CDH18: variants seen among roughly 807,000 people sequenced by gnomAD.
CDH18 encodes cadherin 18.
Under a neutral mutation model 67.9 loss-of-function variants are expected in CDH18, and 31 were observed. The ratio of observed to expected loss-of-function variants is 0.46; its 90% CI spans 0.34 to 0.62. The LOEUF is 0.62. Ranked by LOEUF, CDH18 falls within the 20% of genes least tolerant of loss-of-function variation. The pLI, the probability that CDH18 is intolerant of heterozygous loss-of-function variation, is 0.01. For missense variants in CDH18, 890 were observed against 975.5 expected, an observed-to-expected ratio of 0.91 and a Z score of 1.17; for synonymous variants, 362 against 347.2, an observed-to-expected ratio of 1.04 and a Z score of -0.48.
At chr5:20,443,727 T>C (rs6876306) in intron 1 of CDH18, among the ~76,000 whole-genome samples, 37,297 of 151,760 alleles carry the variant, frequency 0.25, 5,000 homozygotes, top group East Asian at 0.3. Context: ...ACAATACTTG[T>C]CTTCCTCAGA....
chr5:20,311,809 T>C (rs1737021824), intron 1 of CDH18, among the ~76,000 whole-genome samples: 1 of 152,156 alleles, frequency 6.6e-6, no homozygotes, highest in Non-Finnish European at 1.5e-5. Flanking sequence ...AAAAAATTAT[T>C]GTATGATACT....
In CDH18 at chr5:20,427,194, A is replaced by C. The variant is rs879523970; in HGVS notation, c.-580+148268T>G. Among the ~76,000 whole-genome samples, 2 of 151,204 alleles carry C rather than the reference A, an allele frequency of 1.3e-5. 1 individual carries two copies. The highest frequency in any genetic ancestry group is 1.3e-4 in the Admixed American group (2 of 15,240). ...AGGAAAAGAAGTTAAAAGTCATTAC[A>C]AATGGTTTTGTATGATAACTAAATA... On this transcript the variant is annotated intron_variant, in intron 1 of 14. Transcript: ENST00000507958.
intron 2 of CDH18, among the ~76,000 whole-genome samples, chr5:20,033,243 G>T (rs78248498): frequency 0.025 from 3,847 of 151,212 alleles, 71 homozygotes; most frequent in Middle Eastern, 0.062. Context: ...AAATGCTGAC[G>T]TTAAGCTAAG....
intron 11 of CDH18, among the ~76,000 whole-genome samples, chr5:19,493,710 T>C (rs1579787269): frequency 6.6e-6 from 1 of 152,308 alleles, no homozygotes; most frequent in East Asian, 1.9e-4. Context: ...TGTGATTATA[T>C]TCAACACTTC....
chr5:19,739,832 C>A (rs1423655580), intron 4 of CDH18, among the ~76,000 whole-genome samples: 3 of 152,032 alleles, frequency 2.0e-5, no homozygotes, highest in Non-Finnish European at 4.4e-5. Flanking sequence ...TGGCAGATGT[C>A]CAGGGTGAAC....
At chr5:19,842,990 T>C (rs575042047) in intron 2 of CDH18, among the ~76,000 whole-genome samples, 13 of 152,140 alleles carry the variant, frequency 8.5e-5, no homozygotes, top group Non-Finnish European at 1.8e-4. Flanking sequence ...TTGGAACTTA[T>C]GTTTAAAAGG....
At chr5:20,158,725 G>A (rs1195987770) in intron 2 of CDH18, 1 of 168,724 alleles carries the variant, frequency 5.9e-6, no homozygotes, top group Non-Finnish European at 1.4e-5. Flanking sequence ...TCTGTAAATA[G>A]ATTCCTCTTC....
intron 7 of CDH18, among the ~76,000 whole-genome samples, chr5:19,585,265 G>A (rs529408992): frequency 5.3e-5 from 8 of 152,096 alleles, no homozygotes; most frequent in African/African-American, 1.4e-4. Context: ...TATGTGCACC[G>A]TCCTTAATTC....
intron 7 of CDH18, among the ~76,000 whole-genome samples, chr5:19,584,549 C>T (rs1160651305): frequency 6.6e-6 from 1 of 151,922 alleles, no homozygotes; most frequent in African/African-American, 2.4e-5. Context: ...AAGCATACAG[C>T]AATTAAATAA....
At chr5:20,403,041 G>A (rs529183710) in intron 1 of CDH18, among the ~76,000 whole-genome samples, 3 of 150,228 alleles carry the variant, frequency 2.0e-5, no homozygotes, top group Admixed American at 1.3e-4. Flanking sequence ...AAAATAGCGA[G>A]GTGTGGTGGC....
chr5:19,757,839 C>T (rs1171929376), intron 3 of CDH18, among the ~76,000 whole-genome samples: 4 of 152,226 alleles, frequency 2.6e-5, no homozygotes, highest in Non-Finnish European at 4.4e-5. Context: ...TGCACAACCA[C>T]GTGCACTGTT....
intron 3 of CDH18, among the ~76,000 whole-genome samples, chr5:19,834,093 G>C (rs963622694): frequency 6.6e-6 from 1 of 151,658 alleles, no homozygotes; most frequent in African/African-American, 2.4e-5. Flanking sequence ...AGAAGGAATG[G>C]TACCAGCCCC....
At chr5:20,279,675 G>A (rs1446117677) in intron 1 of CDH18, among the ~76,000 whole-genome samples, 2 of 97,394 alleles carry the variant, frequency 2.1e-5, no homozygotes, top group Non-Finnish European at 4.1e-5. Context: ...CTCCTTCCTG[G>A]GTGACAAAAG....
intron 2 of CDH18, among the ~76,000 whole-genome samples, chr5:20,187,144 G>A (rs1050636489): frequency 6.6e-6 from 1 of 151,814 alleles, no homozygotes; most frequent in Non-Finnish European, 1.5e-5. Flanking sequence ...GAAGGGAATA[G>A]GGAATTAATG....
rs531388036 is a variant in CDH18 at position 20,389,409 on chromosome 5, A to T, written c.-579-133904T>A. Among the ~76,000 whole-genome samples, 61 of 152,016 alleles carry T rather than the reference A, an allele frequency of 4.0e-4. No homozygotes were observed. In the East Asian group the frequency reaches 7.9e-3, roughly 20 times the overall value. ...TTTTTGTTTTCCATTTGCTTGGTAGATCTTCCTCCATCCCTTTATTTTGAG... is the reference window on the plus strand; with the variant it reads ...TTTTTGTTTTCCATTTGCTTGGTAGTTCTTCCTCCATCCCTTTATTTTGAG... On this transcript the variant is annotated intron_variant, in intron 1 of 14. Transcript: ENST00000507958.
chr5:19,709,393 C>A (rs539046394), intron 5 of CDH18, among the ~76,000 whole-genome samples: 1 of 152,024 alleles, frequency 6.6e-6, no homozygotes, highest in East Asian at 1.9e-4. Context: ...CATGGTGAAA[C>A]CCATCTCTAC....
chr5:20,308,714 G>A (rs528634586), intron 1 of CDH18, among the ~76,000 whole-genome samples: 19 of 152,238 alleles, frequency 1.2e-4, no homozygotes, highest in African/African-American at 4.6e-4. Context: ...AACATTACAT[G>A]TTTATCATCT....
At chr5:20,396,426 T>C (rs1373275270) in intron 1 of CDH18, among the ~76,000 whole-genome samples, 4 of 152,152 alleles carry the variant, frequency 2.6e-5, no homozygotes, top group Admixed American at 1.3e-4. Flanking sequence ...AAAATCACTT[T>C]CCACATATAA....
chr5:20,048,779 T>C (rs1741136272), intron 2 of CDH18, among the ~76,000 whole-genome samples: 1 of 151,610 alleles, frequency 6.6e-6, no homozygotes, highest in Non-Finnish European at 1.5e-5. Context: ...AAATATGTAA[T>C]AACTCCTTCT....
Sources: allele counts gnomAD v4.1 joint callset (sites outside exome capture counted in the v4.1 genomes callset), GRCh38; gene constraint gnomAD v4.1.1; transcripts MANE v1.5; gene names NCBI Gene and HGNC (gene_info 2026-07-23, HGNC 2026-07-21).